Variants in B3GAT2 observed in about 807,000 individuals in gnomAD.
B3GAT2 encodes beta-1,3-glucuronyltransferase 2.
A neutral mutation model predicts 27.8 loss-of-function variants in B3GAT2; 26 were observed. The observed-to-expected ratio is 0.93, with a 90% CI of 0.68 to 1.30. The LOEUF is 1.30. Ranked by LOEUF, B3GAT2 falls within the 50% of genes most tolerant of loss-of-function variation. The probability of loss-of-function intolerance (pLI) is 0.00; values close to 1 mark genes in which losing one functional copy is unlikely to be tolerated. For missense variants in B3GAT2, 458 were observed against 459.0 expected (o/e 1.00, Z 0.02); for synonymous variants, 218 against 195.1 (o/e 1.12, Z -0.98).
chr6:70,902,024 T>C (rs1228209627), intron 1 of B3GAT2, among the ~76,000 whole-genome samples: 5 of 152,216 alleles, frequency 3.3e-5, no homozygotes, highest in African/African-American at 7.2e-5. Flanking sequence ...AATAAAGTAA[T>C]ACTGCTTATA....
rs1772752840 is a variant in B3GAT2 at position 70,915,260 on chromosome 6, T to C, written c.592-20988A>G. Among the ~76,000 whole-genome samples the C allele has an allele frequency of 2.6e-5, 4 of 152,230 alleles. No individual in the cohort carries two copies. The South Asian group carries it at 8.3e-4, about 31-fold the overall frequency. On this transcript the variant is annotated intron_variant, in intron 1 of 3. Coordinates refer to ENST00000230053, the MANE Select transcript of B3GAT2 (RefSeq NM_080742.3). ...CCACTTTTTGATGCAGTGGTTTTTT[T>C]TTTCTTGTAAATTTGTTTAGGTTCT...
chr6:70,955,230 G>T (rs1203761687), intron 1 of B3GAT2, among the ~76,000 whole-genome samples: 1 of 151,918 alleles, frequency 6.6e-6, no homozygotes, highest in Non-Finnish European at 1.5e-5. Context: ...TGAGGTGTGG[G>T]AAAGAGAGGA....
In B3GAT2 at chr6:70,956,199, C is replaced by A; in HGVS notation, c.231G>T (p.Pro77=). The change falls in exon 1 of 4, where the codon CCG becomes CCT. Residue 77 remains proline, a synonymous_variant. Transcript: ENST00000230053. ...TGATGGCATAGATGGTGGGCAGCTG[C>A]GGCTCCGGCTGTGGCTGCGGCCGAG... ...NQSRPQPQPE[P]QLPTIYAITP... 6.2e-7 allele frequency: 1 copy of A among 1,611,846 alleles called. No individual in the cohort carries two copies. The highest frequency in any genetic ancestry group is 8.5e-7 in the Non-Finnish European group (1 of 1,178,870).
intron 1 of B3GAT2, among the ~76,000 whole-genome samples, chr6:70,908,480 G>T (rs1474992059): frequency 3.9e-5 from 6 of 152,074 alleles, no homozygotes; most frequent in Admixed American, 1.3e-4. Context: ...GCATTTATGA[G>T]AATTTGAATT....
At chr6:70,927,594 T>C (rs959645041) in intron 1 of B3GAT2, among the ~76,000 whole-genome samples, 1 of 152,148 alleles carries the variant, frequency 6.6e-6, no homozygotes, top group African/African-American at 2.4e-5. Context: ...GTTAACATAA[T>C]GGTAAAGGGA....
chr6:70,946,026 A>G (rs1313878987), intron 1 of B3GAT2, among the ~76,000 whole-genome samples: 1 of 152,084 alleles, frequency 6.6e-6, no homozygotes, highest in Non-Finnish European at 1.5e-5. Context: ...AAATGCTGAG[A>G]GATTTTGCCA....
chr6:70,892,052 T>A (rs1772298664), intron 2 of B3GAT2, among the ~76,000 whole-genome samples: 1 of 152,210 alleles, frequency 6.6e-6, no homozygotes, highest in South Asian at 2.1e-4. Flanking sequence ...AAAAAAATTA[T>A]TTAGTGTGAC....
chr6:70,880,378 A>C (rs1772082788), intron 2 of B3GAT2, among the ~76,000 whole-genome samples: 1 of 152,216 alleles, frequency 6.6e-6, no homozygotes, highest in Non-Finnish European at 1.5e-5. Context: ...GAAGAAATGG[A>C]GGCACAGAGA....
chr6:70,893,250 A>G (rs1226151874), intron 2 of B3GAT2, among the ~76,000 whole-genome samples: 1 of 152,182 alleles, frequency 6.6e-6, no homozygotes, highest in Non-Finnish European at 1.5e-5. Context: ...AGAATTCTGA[A>G]CGCGGAGATC....
chr6:70,862,801 C>T (rs943851025), intron 2 of B3GAT2, among the ~76,000 whole-genome samples: 1 of 151,926 alleles, frequency 6.6e-6, no homozygotes, highest in Non-Finnish European at 1.5e-5. Flanking sequence ...GAGACCCTGT[C>T]TCTACAAAAA....
chr6:70,858,109 T>C lies in B3GAT2; in HGVS notation c.*3554A>G. The stretch of plus-strand genomic sequence containing the variant: ...GGTTTATGGGAAATGCACAAACTGG[T>C]GTGATGCCACTTCCTCAGAACGTTG... On this transcript the variant is annotated 3_prime_UTR_variant, in exon 4 of 4. Transcript: ENST00000230053. 1.9e-6 allele frequency: 3 copies of C among 1,613,924 alleles called. No homozygotes were observed. Among genetic ancestry groups the C allele is most frequent in the Non-Finnish European group, 8.5e-7 (1 of 1,179,966 alleles).
Position 70,955,942 on chromosome 6 carries a change from C to G in B3GAT2, c.488G>C (p.Gly163Ala). Reference sequence around the variant, plus strand: ...GTGCCTCTGGCGCAGCCAGGCGAGGCCCGCGTTGCGCTGCTCAGTGGCGCG... The same window carrying G: ...GTGCCTCTGGCGCAGCCAGGCGAGGGCCGCGTTGCGCTGCTCAGTGGCGCG... ...LPRATEQRNA[G>A]LAWLRQRHQH... Residue 163 changes from glycine (G) to alanine (A), a missense_variant, in exon 1 of 4, where the codon GGC becomes GCC. Physicochemically the swap from Gly to Ala is moderately conservative, Grantham distance 60. Coordinates refer to ENST00000230053, the MANE Select transcript of B3GAT2 (RefSeq NM_080742.3). The G allele has an allele frequency of 6.3e-7, 1 of 1,578,922 alleles. No individual in the cohort carries two copies. The highest frequency in any genetic ancestry group is 1.1e-5 in the South Asian group (1 of 87,440).
At chr6:70,899,340 A>G (rs932811669) in intron 1 of B3GAT2, among the ~76,000 whole-genome samples, 3 of 152,208 alleles carry the variant, frequency 2.0e-5, no homozygotes, top group East Asian at 3.8e-4. Context: ...AGGTAACCAG[A>G]TGAATCAAAG....
At chr6:70,876,359 T>G (rs1277801497) in intron 2 of B3GAT2, among the ~76,000 whole-genome samples, 1 of 152,222 alleles carries the variant, frequency 6.6e-6, no homozygotes, top group Non-Finnish European at 1.5e-5. Flanking sequence ...CTTCAGAGTT[T>G]CCTAAAGACC....
chr6:70,870,955 T>C (rs1290142142), intron 2 of B3GAT2, among the ~76,000 whole-genome samples: 1 of 152,146 alleles, frequency 6.6e-6, no homozygotes, highest in African/African-American at 2.4e-5. Flanking sequence ...GTTTTTATCA[T>C]GAAAGAATGC....
chr6:70,952,192 GCTT>G (rs1237327706), intron 1 of B3GAT2, among the ~76,000 whole-genome samples: 2 of 152,098 alleles, frequency 1.3e-5, no homozygotes, highest in East Asian at 3.9e-4. Context: ...CAAGCAAGGG[GCTT>G]CTTTAGTTCA....
At chr6:70,915,630 C>T (rs937836002) in intron 1 of B3GAT2, among the ~76,000 whole-genome samples, 2 of 152,142 alleles carry the variant, frequency 1.3e-5, no homozygotes, top group African/African-American at 4.8e-5. Flanking sequence ...ATATGGCTAG[C>T]CTGTTTTCCC....
At chr6:70,865,729 A>G (rs185324290) in intron 2 of B3GAT2, among the ~76,000 whole-genome samples, 1 of 152,324 alleles carries the variant, frequency 6.6e-6, no homozygotes, top group Admixed American at 6.5e-5. Flanking sequence ...AGCTATTTAC[A>G]TTTCTGGACA....
Position 70,861,002 on chromosome 6 carries a change from C to T in B3GAT2, c.*661G>A. The T allele has an allele frequency of 3.3e-6, 1 of 299,350 alleles. No individual in the cohort carries two copies. Among genetic ancestry groups the T allele is most frequent in the East Asian group, 5.1e-5 (1 of 19,488 alleles). The allele number at this position is 299,350 out of a possible 1,614,324, so 18.5% of individuals were successfully genotyped here. A position where few individuals can be genotyped will look rare whatever the true frequency, so the allele number is the denominator to read the frequency against. On this transcript the variant is annotated 3_prime_UTR_variant, in exon 4 of 4. Transcript: ENST00000230053. ...ATGTACATAGTGCTAACATGAAGAC[C>T]TTTTTCTGCACTATATGCAAACAGG...
Sources: gnomAD v4.1 joint callset for allele counts (sites outside exome capture counted in the v4.1 genomes callset) on GRCh38, gnomAD v4.1.1 for gene constraint, MANE v1.5 for transcripts, NCBI Gene and HGNC (gene_info 2026-07-23, HGNC 2026-07-21) for gene names.